Variants in FOXP1 observed in about 807,000 individuals in gnomAD.
FOXP1 encodes the protein forkhead box protein P1.
A neutral mutation model predicts 98.2 loss-of-function variants in FOXP1; 15 were observed. The ratio of observed to expected loss-of-function variants is 0.15; its 90% CI spans 0.10 to 0.24. The LOEUF is 0.24. Among genes scored for constraint, FOXP1 ranks in the 10% least tolerant of loss-of-function variants. The pLI is 1.00. For missense variants in FOXP1, 633 were observed against 848.5 expected, an observed-to-expected ratio of 0.75 and a Z score of 3.15; for synonymous variants, 371 against 314.5, an observed-to-expected ratio of 1.18 and a Z score of -1.90.
intron 6 of FOXP1, among the ~76,000 whole-genome samples, chr3:71,131,444 C>G (rs1319981001): frequency 6.8e-6 from 1 of 148,056 alleles, no homozygotes; most frequent in Non-Finnish European, 1.5e-5. Flanking sequence ...AGGATTCCTT[C>G]TGAAAATGTA....
chr3:71,109,055 A>T (rs138426358), intron 7 of FOXP1, among the ~76,000 whole-genome samples: 1 of 152,252 alleles, frequency 6.6e-6, no homozygotes, highest in Non-Finnish European at 1.5e-5. Flanking sequence ...CTAAGTAAAA[A>T]GATAATTTTG....
intron 2 of FOXP1, among the ~76,000 whole-genome samples, chr3:71,545,105 T>A (rs188609931): frequency 6.2e-5 from 9 of 146,026 alleles, no homozygotes; most frequent in East Asian, 2.0e-4. Flanking sequence ...ATTTTTTTTT[T>A]ATTAAAAATA....
intron 3 of FOXP1, among the ~76,000 whole-genome samples, chr3:71,417,640 T>G (rs185367955): frequency 3.0e-4 from 45 of 152,308 alleles, no homozygotes; most frequent in African/African-American, 1.1e-3. Context: ...GACTATATTT[T>G]ATGTGGAGCT....
rs2048372688 is a variant in FOXP1, at chr3:71,583,671, C to G, written c.-547G>C. 1 of 984,640 alleles carries G rather than the reference C, an allele frequency of 1.0e-6. No individual in the cohort carries two copies. Among genetic ancestry groups the G allele is most frequent in the Non-Finnish European group, 1.2e-6 (1 of 829,794 alleles). The allele number at this position is 984,640 out of a possible 1,614,324, so 61.0% of individuals were successfully genotyped here. On this transcript the variant is annotated 5_prime_UTR_variant, in exon 1 of 21. Transcript: ENST00000649528. ...CGCGCACCCCGCGCACACACTCACT[C>G]GCGCACACACGCGCGCACACACGCA...
chr3:70,956,773 T>TTTTA lies in FOXP1; in HGVS notation c.*2473_*2474insTAAA. The TTTTA allele has an allele frequency of 6.8e-6, 1 of 146,134 alleles. No individual in the cohort carries two copies. The highest frequency in any genetic ancestry group is 8.8e-5 in the East Asian group (1 of 11,330). The allele number at this position is 146,134 out of a possible 1,614,324, so 9.1% of individuals were successfully genotyped here. On this transcript the variant is annotated 3_prime_UTR_variant, in exon 21 of 21. Transcript: ENST00000649528. ...TTTTTTTTTTTTTTTTTTTTTTTTTTAAAGTCTTGCGTGACCACAGACTGC... is the reference window on the plus strand; with the variant it reads ...TTTTTTTTTTTTTTTTTTTTTTTTTTTTTAAAAGTCTTGCGTGACCACAGACTGC...
intron 13 of FOXP1, among the ~76,000 whole-genome samples, chr3:70,994,501 C>G (rs1419808208): frequency 1.3e-5 from 2 of 152,154 alleles, no homozygotes; most frequent in African/African-American, 4.8e-5. Flanking sequence ...TGCCAACAAC[C>G]CTTTCCACTG....
intron 5 of FOXP1, among the ~76,000 whole-genome samples, chr3:71,246,759 C>T (rs1235182911): frequency 6.6e-6 from 1 of 152,186 alleles, no homozygotes; most frequent in Admixed American, 6.5e-5. Flanking sequence ...ATGGCCAGTT[C>T]AGCGCGTCTT....
At chr3:71,033,160 G>A (rs2047099028) in intron 11 of FOXP1, among the ~76,000 whole-genome samples, 1 of 152,104 alleles carries the variant, frequency 6.6e-6, no homozygotes, top group Non-Finnish European at 1.5e-5. Context: ...TTCCACTCAA[G>A]CGCAAATACT....
chr3:71,572,964 T>G (rs1050664103), intron 2 of FOXP1: 1 of 152,236 alleles, frequency 6.6e-6, no homozygotes, highest in Non-Finnish European at 1.5e-5. Flanking sequence ...ACAAAATGCT[T>G]GAGACCAAGG....
chr3:71,304,096 T>G (rs2074078211), intron 4 of FOXP1, among the ~76,000 whole-genome samples: 1 of 152,196 alleles, frequency 6.6e-6, no homozygotes, highest in African/African-American at 2.4e-5. Flanking sequence ...CCTCATCAGA[T>G]CATAGTACCT....
intron 5 of FOXP1, among the ~76,000 whole-genome samples, chr3:71,241,574 C>T (rs1021332206): frequency 2.0e-5 from 3 of 152,166 alleles, no homozygotes; most frequent in Non-Finnish European, 2.9e-5. Context: ...AAACTCTTCA[C>T]ATCAAACAGT....
chr3:71,519,089 T>C (rs150404102), intron 2 of FOXP1, among the ~76,000 whole-genome samples: 15 of 152,138 alleles, frequency 9.9e-5, no homozygotes, highest in South Asian at 4.2e-4. Context: ...CTACTAAAAA[T>C]ACAAAAATTA....
At chr3:71,006,066 G>C (rs2042773025) in intron 12 of FOXP1, among the ~76,000 whole-genome samples, 1 of 152,012 alleles carries the variant, frequency 6.6e-6, no homozygotes, top group Admixed American at 6.6e-5. Context: ...ATTTGTAAAG[G>C]GCTGAACAGG....
intron 3 of FOXP1, among the ~76,000 whole-genome samples, chr3:71,404,647 T>C (rs1288361368): frequency 1.3e-5 from 2 of 152,190 alleles, no homozygotes; most frequent in Non-Finnish European, 2.9e-5. Context: ...ATAATTTGCT[T>C]GGAATATTGT....
chr3:71,534,149 A>G (rs771784497), intron 2 of FOXP1, among the ~76,000 whole-genome samples: 39 of 152,184 alleles, frequency 2.6e-4, no homozygotes, highest in Admixed American at 7.2e-4. Flanking sequence ...GGATGACCTG[A>G]GGTCAGGAGT....
chr3:71,262,159 G>C (rs1385186034), intron 5 of FOXP1, among the ~76,000 whole-genome samples: 1 of 149,482 alleles, frequency 6.7e-6, no homozygotes, highest in African/African-American at 2.5e-5. Context: ...CCAGCTACTC[G>C]GGAGGCTGAG....
chr3:71,327,185 G>T (rs2075740659), intron 4 of FOXP1, among the ~76,000 whole-genome samples: 1 of 151,576 alleles, frequency 6.6e-6, no homozygotes, highest in Admixed American at 6.6e-5. Flanking sequence ...GATACCTTCA[G>T]AAATGCTTGT....
intron 5 of FOXP1, among the ~76,000 whole-genome samples, chr3:71,283,522 T>C (rs137957676): frequency 8.5e-5 from 13 of 152,310 alleles, no homozygotes; most frequent in Admixed American, 4.6e-4. Context: ...GTGTCCTCCA[T>C]GTGACAGGGA....
chr3:71,371,449 T>G (rs1343848247), intron 3 of FOXP1, among the ~76,000 whole-genome samples: 5 of 152,128 alleles, frequency 3.3e-5, no homozygotes, highest in Admixed American at 2.6e-4. Flanking sequence ...TTCTCACACC[T>G]GAATCAGAAG....
Sources: allele counts gnomAD v4.1 joint callset (sites outside exome capture counted in the v4.1 genomes callset), GRCh38; gene constraint gnomAD v4.1.1; transcripts MANE v1.5; gene names NCBI Gene and HGNC (gene_info 2026-07-23, HGNC 2026-07-21).